The following ELMO1 variants were observed in gnomAD, a reference collection of about 807,000 sequenced individuals.
ELMO1 encodes the protein engulfment and cell motility 1.
A neutral mutation model predicts 98.9 loss-of-function variants in ELMO1; 26 were observed. That is an observed-to-expected ratio of 0.26 (90% CI 0.19 to 0.36). ELMO1 has a LOEUF of 0.36. Among genes scored for constraint, ELMO1 ranks in the 10% least tolerant of loss-of-function variants. The pLI is 1.00. For missense variants in ELMO1, 627 were observed against 935.2 expected (o/e 0.67, Z 4.30); for synonymous variants, 346 against 346.0 (o/e 1.00, Z 0.00).
At chr7:37,291,205 C>A (rs1797663494) in intron 4 of ELMO1, among the ~76,000 whole-genome samples, 1 of 152,196 alleles carries the variant, frequency 6.6e-6, no homozygotes, top group Non-Finnish European at 1.5e-5. Flanking sequence ...ATACCCCCTA[C>A]ACACACTTTC....
At chr7:36,888,469 A>T (rs77166634) in intron 17 of ELMO1, among the ~76,000 whole-genome samples, 7,451 of 152,226 alleles carry the variant, frequency 0.049, 294 homozygotes, top group South Asian at 0.15. Context: ...CCCATTCCTC[A>T]TAGCAGTGTA....
chr7:36,965,117 C>T (rs1789300819), intron 16 of ELMO1, among the ~76,000 whole-genome samples: 1 of 152,120 alleles, frequency 6.6e-6, no homozygotes, highest in South Asian at 2.1e-4. Context: ...TCCTCAGCAT[C>T]CTGGTTTCTT....
chr7:37,307,987 C>G (rs762448930), intron 4 of ELMO1, among the ~76,000 whole-genome samples: 92 of 152,134 alleles, frequency 6.0e-4, no homozygotes, highest in Non-Finnish European at 1.0e-3. Flanking sequence ...GTGGCACATG[C>G]CTGTAATCCC....
chr7:37,203,466 T>C (rs1317379564), intron 13 of ELMO1, among the ~76,000 whole-genome samples: 1 of 152,148 alleles, frequency 6.6e-6, no homozygotes, highest in Non-Finnish European at 1.5e-5. Context: ...GGAATAGCTT[T>C]TGTTAGGCCT....
At chr7:37,091,982 T>A (rs1784119546) in intron 15 of ELMO1, among the ~76,000 whole-genome samples, 1 of 152,156 alleles carries the variant, frequency 6.6e-6, no homozygotes, top group Admixed American at 6.5e-5. Flanking sequence ...TTATGGGAGC[T>A]ACAATTCAAG....
chr7:37,349,092 T>C (rs1339809864), intron 1 of ELMO1, among the ~76,000 whole-genome samples: 1 of 152,156 alleles, frequency 6.6e-6, no homozygotes, highest in Non-Finnish European at 1.5e-5. Context: ...GCCCAACAGA[T>C]GGGCCAGTGG....
At chr7:37,288,035 A>G (rs1007939473) in intron 4 of ELMO1, among the ~76,000 whole-genome samples, 15 of 152,098 alleles carry the variant, frequency 9.9e-5, no homozygotes, top group African/African-American at 3.6e-4. Flanking sequence ...ATCTCAGCTC[A>G]CTGAAACCTC....
chr7:36,995,054 T>C (rs1237518296), intron 16 of ELMO1, among the ~76,000 whole-genome samples: 1 of 152,122 alleles, frequency 6.6e-6, no homozygotes, highest in African/African-American at 2.4e-5. Flanking sequence ...AAATTTAAAG[T>C]GTTTCTTTAA....
At chr7:37,109,195 G>T (rs376741909) in intron 14 of ELMO1, among the ~76,000 whole-genome samples, 3 of 152,246 alleles carry the variant, frequency 2.0e-5, no homozygotes, top group Middle Eastern at 3.4e-3. Context: ...ATGCGGCCAC[G>T]TGGATGAAAA....
intron 4 of ELMO1, among the ~76,000 whole-genome samples, chr7:37,273,819 G>A (rs1796691429): frequency 6.6e-6 from 1 of 152,196 alleles, no homozygotes; most frequent in South Asian, 2.1e-4. Context: ...GAGGTGGTGG[G>A]AAATTTCTTG....
intron 15 of ELMO1, among the ~76,000 whole-genome samples, chr7:37,023,896 C>T (rs1052606144): frequency 3.3e-5 from 5 of 152,196 alleles, no homozygotes; most frequent in African/African-American, 4.8e-5. Context: ...CATTTTCTTT[C>T]GTGAATGGAG....
Position 37,221,235 on chromosome 7 carries a change from G to A in ELMO1, c.780+1380C>T, listed in dbSNP as rs573589372. On this transcript the variant is annotated intron_variant, in intron 10 of 21. Coordinates refer to ENST00000310758, the MANE Select transcript of ELMO1 (RefSeq NM_014800.11). ...ACTTGTGCAAACACAGCCCCCCAGGGATGAATAAGAAATTCTAAATGGAAA... is the reference window on the plus strand; with the variant it reads ...ACTTGTGCAAACACAGCCCCCCAGGAATGAATAAGAAATTCTAAATGGAAA... 8.5e-5 allele frequency among the ~76,000 whole-genome samples: 13 copies of A among 152,280 alleles called. No individual in the cohort carries two copies. In the South Asian group the frequency reaches 1.9e-3, roughly 22 times the overall value.
At chr7:37,254,149 T>A (rs999915506) in intron 6 of ELMO1, among the ~76,000 whole-genome samples, 1 of 152,146 alleles carries the variant, frequency 6.6e-6, no homozygotes, top group Admixed American at 6.5e-5. Context: ...GCAGGAGGCC[T>A]TGCAACTCCA....
At chr7:37,181,821 T>C (rs913870403) in intron 13 of ELMO1, among the ~76,000 whole-genome samples, 9 of 152,154 alleles carry the variant, frequency 5.9e-5, no homozygotes, top group African/African-American at 1.9e-4. Flanking sequence ...CATGTTTCTT[T>C]GAGAAAATAT....
chr7:36,884,833 C>A (rs981281418), intron 18 of ELMO1, among the ~76,000 whole-genome samples: 1 of 152,330 alleles, frequency 6.6e-6, no homozygotes, highest in East Asian at 1.9e-4. Context: ...TACTGAAATT[C>A]ACTCATCTGT....
intron 6 of ELMO1, among the ~76,000 whole-genome samples, chr7:37,255,530 G>A (rs1243740131): frequency 6.6e-6 from 1 of 152,216 alleles, no homozygotes; most frequent in African/African-American, 2.4e-5. Context: ...CATTGTCGAA[G>A]TCTGTAACTG....
At chr7:37,332,243 T>C (rs899816189) in intron 2 of ELMO1, among the ~76,000 whole-genome samples, 1 of 152,254 alleles carries the variant, frequency 6.6e-6, no homozygotes, top group Non-Finnish European at 1.5e-5. Flanking sequence ...GAATACATGG[T>C]GCAAACAAGG....
intron 14 of ELMO1, 46 bp downstream of exon 14, chr7:37,133,084 A>G: frequency 6.8e-7 from 1 of 1,476,460 alleles, no homozygotes; most frequent in East Asian, 2.4e-5. Context: ...TGAAATTAAC[A>G]TTGAGTAGGA....
chr7:37,096,752 AGAAAG>A (rs760933061), intron 14 of ELMO1, 25 bp from the exon 15 acceptor site: 3 of 1,589,128 alleles, frequency 1.9e-6, no homozygotes, highest in Non-Finnish European at 2.6e-6. Flanking sequence ...GGAACAGATT[AGAAAG>A]GAAATTCAAT....
Sources: allele counts gnomAD v4.1 joint callset (sites outside exome capture counted in the v4.1 genomes callset), GRCh38; gene constraint gnomAD v4.1.1; transcripts MANE v1.5; gene names NCBI Gene and HGNC (gene_info 2026-07-23, HGNC 2026-07-21).